GALNTL6: variants seen among roughly 807,000 people sequenced by gnomAD.
GALNTL6 encodes the protein polypeptide N-acetylgalactosaminyltransferase like 6.
GALNTL6 carries 46 observed loss-of-function variants against 73.7 expected under a neutral mutation model. The observed-to-expected ratio is 0.62, with a 90% CI of 0.49 to 0.80. The LOEUF (loss-of-function observed/expected upper bound fraction) is 0.80, where lower values mean the gene tolerates loss of function less well. GALNTL6 is among the 30% of genes least tolerant of loss of function. GALNTL6 has a pLI of 0.00. For missense variants in GALNTL6, 604 were observed against 755.0 expected (o/e 0.80, Z 2.34); for synonymous variants, 259 against 263.7 (o/e 0.98, Z 0.17).
chr4:172,347,444 T>A (rs185265718), intron 4 of GALNTL6, among the ~76,000 whole-genome samples: 2 of 152,224 alleles, frequency 1.3e-5, no homozygotes, highest in Non-Finnish European at 2.9e-5. Context: ...GTGTAATGGT[T>A]CTCACAAGTA....
At chr4:172,143,334 T>C (rs1470637096) in intron 2 of GALNTL6, among the ~76,000 whole-genome samples, 2 of 152,038 alleles carry the variant, frequency 1.3e-5, no homozygotes, top group Non-Finnish European at 2.9e-5. Context: ...AAAATTCTAT[T>C]TTAACTTTTA....
intron 11 of GALNTL6, among the ~76,000 whole-genome samples, chr4:173,017,649 C>A (rs1403610907): frequency 6.6e-6 from 1 of 152,082 alleles, no homozygotes; most frequent in Non-Finnish European, 1.5e-5. Context: ...AGATGTATCA[C>A]CTTGGATGCA....
At chr4:172,142,232 G>A (rs1202240918) in intron 2 of GALNTL6, among the ~76,000 whole-genome samples, 1 of 152,022 alleles carries the variant, frequency 6.6e-6, no homozygotes, top group African/African-American at 2.4e-5. Flanking sequence ...CCACTTACAT[G>A]ACTAGAAACA....
intron 12 of GALNTL6, among the ~76,000 whole-genome samples, chr4:173,022,813 G>A (rs1320092848): frequency 6.6e-6 from 1 of 152,154 alleles, no homozygotes; most frequent in Non-Finnish European, 1.5e-5. Flanking sequence ...ATAAAATAAA[G>A]AGCAATTAAG....
rs1310335781 is a variant in GALNTL6, at chr4:172,417,635, T to A, written c.553+68946T>A. On this transcript the variant is annotated intron_variant, in intron 5 of 12. Coordinates refer to ENST00000506823, the MANE Select transcript of GALNTL6 (RefSeq NM_001034845.3). ...CTGCACTCCAGCCTGGGTGGCAGAG[T>A]GAGACCCTGTCTCAAAAAAAATAAT... is the stretch of plus-strand genomic sequence containing the variant. Among the ~76,000 whole-genome samples the A allele has an allele frequency of 2.6e-5, 4 of 151,896 alleles. No homozygotes were observed. The East Asian group carries it at 7.7e-4, about 29-fold the overall frequency.
At chr4:172,347,714 C>T (rs1741798780) in intron 4 of GALNTL6, among the ~76,000 whole-genome samples, 1 of 151,974 alleles carries the variant, frequency 6.6e-6, no homozygotes, top group Non-Finnish European at 1.5e-5. Flanking sequence ...CATTTTTGTG[C>T]CCATATCATT....
chr4:172,821,952 T>G (rs1265862568), intron 7 of GALNTL6, among the ~76,000 whole-genome samples: 1 of 152,134 alleles, frequency 6.6e-6, no homozygotes, highest in Non-Finnish European at 1.5e-5. Flanking sequence ...CTGGCTGCCC[T>G]GAGCCCCCAG....
chr4:172,186,869 T>C lies in GALNTL6; in HGVS notation c.139-42787T>C, dbSNP rs116217357. 4.2e-3 allele frequency among the ~76,000 whole-genome samples: 636 copies of C among 152,190 alleles called. 3 individuals are homozygous for C. Among genetic ancestry groups the C allele is most frequent in the African/African-American group, 0.014 (592 of 41,548 alleles). ...AAATAGAGATGATGATTGTACAACA[T>C]TGAAAATACACTAAAAGCCACTGAG... On this transcript the variant is annotated intron_variant, in intron 2 of 12. Coordinates refer to ENST00000506823, the MANE Select transcript of GALNTL6 (RefSeq NM_001034845.3).
chr4:172,438,332 C>T (rs757338417), intron 5 of GALNTL6, among the ~76,000 whole-genome samples: 4 of 151,926 alleles, frequency 2.6e-5, no homozygotes, highest in Non-Finnish European at 5.9e-5. Context: ...CTGCAAACCT[C>T]ATATAACCTC....
chr4:172,724,911 T>C (rs1409654823), intron 5 of GALNTL6, among the ~76,000 whole-genome samples: 1 of 152,180 alleles, frequency 6.6e-6, no homozygotes, highest in Non-Finnish European at 1.5e-5. Flanking sequence ...TTGAACATCA[T>C]CAGGGTGCTA....
intron 2 of GALNTL6, among the ~76,000 whole-genome samples, chr4:172,153,362 T>C (rs149118391): frequency 2.6e-5 from 4 of 152,284 alleles, no homozygotes; most frequent in Admixed American, 6.5e-5. Context: ...AAACCAAAAA[T>C]TGGAGTCGAT....
rs554428036 is a variant in GALNTL6, at chr4:172,338,630, G to A, written c.387-9893G>A. Reference sequence around the variant, plus strand: ...CACTTCTGGGTAAAAGCCAGCTGTGGCCAATGTGGCTGGGTACATATATTT... The same window carrying A: ...CACTTCTGGGTAAAAGCCAGCTGTGACCAATGTGGCTGGGTACATATATTT... On this transcript the variant is annotated intron_variant, in intron 4 of 12. Coordinates refer to ENST00000506823, the MANE Select transcript of GALNTL6 (RefSeq NM_001034845.3). 4.6e-5 allele frequency among the ~76,000 whole-genome samples: 7 copies of A among 152,270 alleles called. No homozygotes were observed. In the East Asian group the frequency reaches 1.4e-3, roughly 29 times the overall value.
At chr4:172,632,393 G>A (rs1191255136) in intron 5 of GALNTL6, among the ~76,000 whole-genome samples, 2 of 152,152 alleles carry the variant, frequency 1.3e-5, no homozygotes, top group Non-Finnish European at 2.9e-5. Context: ...AAGAAATCTA[G>A]GTTGAGGCGG....
intron 8 of GALNTL6, among the ~76,000 whole-genome samples, chr4:172,928,189 G>T (rs1415855862): frequency 1.3e-5 from 2 of 152,090 alleles, no homozygotes; most frequent in Non-Finnish European, 2.9e-5. Flanking sequence ...ACCTACAAAG[G>T]CAAAAGTATT....
intron 3 of GALNTL6, among the ~76,000 whole-genome samples, chr4:172,252,947 A>G (rs1352687298): frequency 6.6e-6 from 1 of 152,016 alleles, no homozygotes; most frequent in Non-Finnish European, 1.5e-5. Context: ...AGGAAAACAC[A>G]ACATTTCCTA....
At chr4:172,832,379 G>A (rs1311658336) in intron 7 of GALNTL6, among the ~76,000 whole-genome samples, 8 of 152,168 alleles carry the variant, frequency 5.3e-5, no homozygotes, top group Non-Finnish European at 1.0e-4. Context: ...GTAGTAGCAT[G>A]CTAAAATATT....
chr4:172,428,223 T>C (rs1172981168), intron 5 of GALNTL6, among the ~76,000 whole-genome samples: 1 of 152,208 alleles, frequency 6.6e-6, no homozygotes, highest in African/African-American at 2.4e-5. Context: ...AATAACAGTT[T>C]CCTAAATACC....
chr4:172,970,201 A>C (rs544393192), intron 10 of GALNTL6, among the ~76,000 whole-genome samples: 1 of 152,324 alleles, frequency 6.6e-6, no homozygotes, highest in Non-Finnish European at 1.5e-5. Context: ...CAAGGGCAAA[A>C]CTAGAATTAC....
chr4:172,822,781 G>GT (rs938931612), intron 7 of GALNTL6, among the ~76,000 whole-genome samples: 2 of 152,052 alleles, frequency 1.3e-5, no homozygotes, highest in African/African-American at 2.4e-5. Context: ...TTTCGTAGGG[G>GT]TTTTTTTGGT....
Sources: allele counts gnomAD v4.1 joint callset (sites outside exome capture counted in the v4.1 genomes callset), GRCh38; gene constraint gnomAD v4.1.1; transcripts MANE v1.5; gene names NCBI Gene and HGNC (gene_info 2026-07-23, HGNC 2026-07-21).